The following SP4 variants were observed in gnomAD, a reference collection of about 807,000 sequenced individuals.
SP4 encodes the protein transcription factor Sp4.
In SP4, 19 loss-of-function variants were observed where a neutral mutation model predicts 72.8. That is an observed-to-expected ratio of 0.26 (90% CI 0.18 to 0.38). The LOEUF (loss-of-function observed/expected upper bound fraction) is 0.38, where lower values mean the gene tolerates loss of function less well. SP4 is among the 10% of genes least tolerant of loss of function. The pLI is 1.00. For missense variants in SP4, 1,008 were observed against 926.3 expected, an observed-to-expected ratio of 1.09 and a Z score of -1.14; for synonymous variants, 395 against 333.1, an observed-to-expected ratio of 1.19 and a Z score of -2.02.
rs1784525647 is a variant in SP4 at position 21,477,197 on chromosome 7, A to G, written c.1797A>G (p.Thr599=). 2.5e-6 allele frequency: 4 copies of G among 1,614,250 alleles called. No individual in the cohort carries two copies. The highest frequency in any genetic ancestry group is 2.2e-5 in the East Asian group (1 of 44,888). Residue 599 remains threonine, a synonymous_variant, in exon 4 of 6, where the codon ACA becomes ACG. Transcript: ENST00000222584. The part of the protein sequence containing the change: ...TIGAVSPDQL[T]QVHLQQGQQT... The stretch of plus-strand genomic sequence containing the variant: ...GTGCTGTTAGTCCTGACCAACTCAC[A>G]CAAGTGCATTTGCAGCAAGGCCAGC...
chr7:21,489,902 C>T (rs1415594839), intron 5 of SP4, among the ~76,000 whole-genome samples: 1 of 152,200 alleles, frequency 6.6e-6, no homozygotes, highest in Non-Finnish European at 1.5e-5. Flanking sequence ...CCTCCCACCT[C>T]AGCCTCTCAA....
intron 3 of SP4, among the ~76,000 whole-genome samples, chr7:21,454,519 C>A (rs181909818): frequency 1.3e-5 from 2 of 152,182 alleles, no homozygotes; most frequent in Admixed American, 1.3e-4. Context: ...ACCTTCCTTA[C>A]CAAAAATACC....
chr7:21,492,600 A>T (rs1583440645), intron 5 of SP4, among the ~76,000 whole-genome samples: 1 of 152,244 alleles, frequency 6.6e-6, no homozygotes, highest in East Asian at 1.9e-4. Context: ...AATGGAGAAA[A>T]GGGAAAATAG....
rs1182719039 is a variant in SP4 at position 21,512,740 on chromosome 7, T to G, written c.*1471T>G. On this transcript the variant is annotated 3_prime_UTR_variant, in exon 6 of 6. Transcript: ENST00000222584. ...ACCATGCCTGGCTAATTTTTGTATT[T>G]TTAGTAGAGACAGGGTTTCGCCATG... is the stretch of plus-strand genomic sequence containing the variant. 2 of 152,480 alleles carry G rather than the reference T, an allele frequency of 1.3e-5. No individual in the cohort carries two copies. Among genetic ancestry groups the G allele is most frequent in the Non-Finnish European group, 2.9e-5 (2 of 68,114 alleles). The allele number at this position is 152,480 out of a possible 1,614,324, so 9.4% of individuals were successfully genotyped here. A position where few individuals can be genotyped will look rare whatever the true frequency, so the allele number is the denominator to read the frequency against.
At chr7:21,480,107 T>C (rs896728385) in intron 4 of SP4, among the ~76,000 whole-genome samples, 2 of 152,176 alleles carry the variant, frequency 1.3e-5, no homozygotes, top group African/African-American at 4.8e-5. Flanking sequence ...GGAGTTCTGT[T>C]TCTTTTTCTT....
intron 3 of SP4, among the ~76,000 whole-genome samples, chr7:21,470,464 A>G (rs1784301013): frequency 6.6e-6 from 1 of 152,236 alleles, no homozygotes; most frequent in Non-Finnish European, 1.5e-5. Context: ...TTGTTGGCTT[A>G]GGCATAGGCC....
intron 3 of SP4, among the ~76,000 whole-genome samples, chr7:21,446,620 A>G (rs915993280): frequency 3.9e-5 from 6 of 152,204 alleles, no homozygotes; most frequent in Non-Finnish European, 7.3e-5. Context: ...TTAGGATTCT[A>G]TAGGTACTTT....
chr7:21,458,993 A>G (rs1410557311), intron 3 of SP4, among the ~76,000 whole-genome samples: 1 of 152,216 alleles, frequency 6.6e-6, no homozygotes, highest in Non-Finnish European at 1.5e-5. Flanking sequence ...ATTTTAAGCT[A>G]TGACCCTAAC....
In SP4 at chr7:21,428,808, T is replaced by C; in HGVS notation, c.123+16T>C. On this transcript the variant is annotated intron_variant, in intron 2 of 5. Coordinates refer to ENST00000222584, the MANE Select transcript of SP4 (RefSeq NM_003112.5). ...AGGCTCCCAGGTAAAAGCAAACAAATTAAAAAAATTCATCACGACACATTA... is the reference window on the plus strand; with the variant it reads ...AGGCTCCCAGGTAAAAGCAAACAAACTAAAAAAATTCATCACGACACATTA... 6.5e-7 allele frequency: 1 copy of C among 1,539,026 alleles called. No individual in the cohort carries two copies. The highest frequency in any genetic ancestry group is 8.8e-7 in the Non-Finnish European group (1 of 1,141,008).
chr7:21,497,892 A>G lies in SP4; in HGVS notation c.2108-13130A>G, dbSNP rs1000326991. The stretch of plus-strand genomic sequence containing the variant: ...ACTCATTATGCAGATTGGTGTCCCT[A>G]TAAATTCATGGTCTCAAATCTCAAC... On this transcript the variant is annotated intron_variant, in intron 5 of 5. Transcript: ENST00000222584. 3.9e-5 allele frequency among the ~76,000 whole-genome samples: 6 copies of G among 152,240 alleles called. No individual in the cohort carries two copies. The East Asian group carries it at 1.2e-3, about 29-fold the overall frequency.
intron 3 of SP4, among the ~76,000 whole-genome samples, chr7:21,457,549 TAAG>T (rs1783805217): frequency 6.6e-6 from 1 of 152,206 alleles, no homozygotes; most frequent in Non-Finnish European, 1.5e-5. Flanking sequence ...TATCTAGAAA[TAAG>T]AACAATTGCA....
intron 3 of SP4, among the ~76,000 whole-genome samples, chr7:21,466,983 A>G (rs1431403351): frequency 2.0e-5 from 3 of 152,036 alleles, no homozygotes; most frequent in South Asian, 2.1e-4. Flanking sequence ...TTAATTTTTC[A>G]TATGTTTTGT....
rs1235721348 is a variant in SP4, at chr7:21,477,025, C to T, written c.1679-54C>T. 1.1e-4 allele frequency: 150 copies of T among 1,341,528 alleles called. 1 individual carries two copies. Among genetic ancestry groups the T allele is most frequent in the Middle Eastern group, 3.8e-4 (2 of 5,268 alleles). 83.1% of individuals were successfully genotyped at this position (1,341,528 alleles called of 1,614,324 possible). ...TGCACATAGATTTTTTTTTTTAATC[C>T]TTTCTTTAGGTGTAGAAAACATTAC... On this transcript the variant is annotated intron_variant, in intron 3 of 5. Coordinates refer to ENST00000222584, the MANE Select transcript of SP4 (RefSeq NM_003112.5).
At chr7:21,488,916 C>T (rs370268361) in intron 5 of SP4, among the ~76,000 whole-genome samples, 4 of 152,218 alleles carry the variant, frequency 2.6e-5, no homozygotes, top group African/African-American at 9.6e-5. Flanking sequence ...AGATACTTTG[C>T]CTACTTACTG....
chr7:21,487,663 A>G (rs200224603), intron 5 of SP4, among the ~76,000 whole-genome samples: 1 of 150,698 alleles, frequency 6.6e-6, no homozygotes, highest in Non-Finnish European at 1.5e-5. Context: ...TTCCTCCAGG[A>G]TGATTTTTTT....
chr7:21,430,690 C>G lies in SP4; in HGVS notation c.1525C>G (p.Gln509Glu), dbSNP rs1412727475. Residue 509 changes from glutamine to glutamate, a missense_variant, in exon 3 of 6, where the codon CAG (glutamine) becomes GAG (glutamate). This residue lies in a region of SP4 where 893 missense variants were observed against 743.3 expected (regional missense o/e 1.20). Coordinates refer to ENST00000222584, the MANE Select transcript of SP4 (RefSeq NM_003112.5). ...TTCAAGTGGTGGCACAACTCTTGCT[C>G]AGATTGCTCCTGTGGCTGTTGCTGG... ...VSSSGGTTLA[Q>E]IAPVAVAGAP... 3 of 1,614,208 alleles carry G rather than the reference C, an allele frequency of 1.9e-6. No individual in the cohort carries two copies. The Admixed American group carries it at 5.0e-5, about 27-fold the overall frequency.
intron 5 of SP4, among the ~76,000 whole-genome samples, chr7:21,505,349 AT>A (rs1313970260): frequency 6.6e-6 from 1 of 152,142 alleles, no homozygotes; most frequent in Non-Finnish European, 1.5e-5. Flanking sequence ...CTCCTAGGAA[AT>A]TAAGCTTGTG....
chr7:21,440,571 C>G (rs1783209622), intron 3 of SP4, among the ~76,000 whole-genome samples: 1 of 152,028 alleles, frequency 6.6e-6, no homozygotes, highest in African/African-American at 2.4e-5. Context: ...GTGGTGTGGC[C>G]AGGCGTGGTG....
chr7:21,478,395 G>A (rs1784578915), intron 4 of SP4, among the ~76,000 whole-genome samples: 1 of 152,170 alleles, frequency 6.6e-6, no homozygotes. Context: ...CCTAGAAATG[G>A]ATTTTTGGGT....
Sources: allele counts gnomAD v4.1 joint callset (sites outside exome capture counted in the v4.1 genomes callset), GRCh38; gene constraint gnomAD v4.1.1; regional missense constraint gnomAD v4.1.1; transcripts MANE v1.5; gene names NCBI Gene and HGNC (gene_info 2026-07-23, HGNC 2026-07-21).